LMTK2: variants seen among roughly 807,000 people sequenced by gnomAD.
The protein encoded by LMTK2 is serine/threonine-protein kinase LMTK2.
In LMTK2, 37 loss-of-function variants were observed where a neutral mutation model predicts 127.5. The ratio of observed to expected loss-of-function variants is 0.29; its 90% CI spans 0.22 to 0.38. LMTK2 has a LOEUF of 0.38. Among genes scored for constraint, LMTK2 ranks in the 10% least tolerant of loss-of-function variants. The pLI, the probability that LMTK2 is intolerant of heterozygous loss-of-function variation, is 1.00. For synonymous variants in LMTK2, 819 were observed against 810.1 expected (o/e 1.01, Z -0.19); for missense variants, 1,694 against 1,920.3 (o/e 0.88, Z 2.20).
At chr7:98,124,335 A>G (rs1191168632) in intron 1 of LMTK2, among the ~76,000 whole-genome samples, 1 of 152,196 alleles carries the variant, frequency 6.6e-6, no homozygotes, top group Non-Finnish European at 1.5e-5. Flanking sequence ...TTGCCTCTTC[A>G]GTGCTCCGTT....
Position 98,186,897 on chromosome 7 carries a change from T to A in LMTK2, c.897T>A (p.Asp299Glu), listed in dbSNP as rs569623981. 6.2e-7 allele frequency: 1 copy of A among 1,613,052 alleles called. No individual in the cohort carries two copies. The highest frequency in any genetic ancestry group is 8.5e-7 in the Non-Finnish European group (1 of 1,179,240). The part of the protein sequence containing the change: ...SRYKEDYIET[D>E]DKKVFPLRWT... ...AACAGGAGGATTATATTGAAACAGA[T>A]GATAAAAAAGTTTTCCCTCTGCGAT... Residue 299 changes from aspartate to glutamate, a missense_variant, in exon 9 of 14, where the codon GAT (aspartate) becomes GAA (glutamate). Asp to Glu is a conservative substitution (Grantham distance 45). Around this residue, in one of 8 missense-constraint regions of LMTK2, gnomAD observed 47 missense variants for 95.4 expected, o/e 0.49. Transcript: ENST00000297293.
intron 1 of LMTK2, among the ~76,000 whole-genome samples, chr7:98,108,042 A>C (rs2116307075): frequency 6.6e-6 from 1 of 151,782 alleles, no homozygotes; most frequent in Non-Finnish European, 1.5e-5. Context: ...TCTAAAAAGG[A>C]AAAAAAAATC....
Position 98,132,757 on chromosome 7 carries a change from A to G in LMTK2, c.104-4558A>G, listed in dbSNP as rs535255663. 5.9e-5 allele frequency among the ~76,000 whole-genome samples: 9 copies of G among 152,198 alleles called. No homozygotes were observed. In the South Asian group the frequency reaches 1.2e-3, roughly 21 times the overall value. On this transcript the variant is annotated intron_variant, in intron 1 of 13. Transcript: ENST00000297293. ...CTAATGGATCTAAATATTGATCATC[A>G]TTTCTTTTTATCTGTGGCCTTTAAT...
intron 5 of LMTK2, among the ~76,000 whole-genome samples, chr7:98,157,801 A>G (rs1379669865): frequency 6.6e-6 from 1 of 152,246 alleles, no homozygotes; most frequent in Non-Finnish European, 1.5e-5. Flanking sequence ...GAAATGGAGA[A>G]CAGGTTAGTG....
At chr7:98,131,316 A>G (rs1427434991) in intron 1 of LMTK2, among the ~76,000 whole-genome samples, 1 of 152,130 alleles carries the variant, frequency 6.6e-6, no homozygotes, top group Admixed American at 6.5e-5. Context: ...TAACATCCAT[A>G]TGTTGGAATT....
At position 98,191,801 on chromosome 7, in the gene LMTK2, A is replaced by G; in HGVS notation, c.1336A>G (p.Ile446Val). 1 of 1,614,110 alleles carries G rather than the reference A, an allele frequency of 6.2e-7. No homozygotes were observed. The highest frequency in any genetic ancestry group is 8.5e-7 in the Non-Finnish European group (1 of 1,180,010). The change falls in exon 11 of 14, where the codon ATT becomes GTT. Residue 446 changes from isoleucine to valine, a missense_variant. By Grantham distance (29) the Ile-to-Val change is conservative. Coordinates refer to ENST00000297293, the MANE Select transcript of LMTK2 (RefSeq NM_014916.4). Reference sequence around the variant, plus strand: ...CTCCTCCAACAATGCTGCATTCCCAATTCTCGACCACTTTGCCAGGGACCG... The same window carrying G: ...CTCCTCCAACAATGCTGCATTCCCAGTTCTCGACCACTTTGCCAGGGACCG... The part of the protein sequence containing the change: ...RDSSNNAAFP[I>V]LDHFARDRLG...
intron 1 of LMTK2, among the ~76,000 whole-genome samples, chr7:98,113,143 G>A (rs1042037886): frequency 1.2e-4 from 19 of 152,098 alleles, no homozygotes; most frequent in Admixed American, 2.6e-4. Context: ...CCCATATGTC[G>A]TGTGAGGAAC....
intron 7 of LMTK2, among the ~76,000 whole-genome samples, chr7:98,172,296 A>G (rs952139737): frequency 1.4e-5 from 2 of 146,102 alleles, no homozygotes; most frequent in African/African-American, 2.5e-5. Context: ...TTGAATGACC[A>G]TAGTTCTTTT....
intron 7 of LMTK2, among the ~76,000 whole-genome samples, chr7:98,181,312 C>T (rs1797352544): frequency 6.6e-6 from 1 of 152,234 alleles, no homozygotes; most frequent in South Asian, 2.1e-4. Context: ...GGCTCTCACC[C>T]TGCCATCCAG....
Position 98,206,708 on chromosome 7 carries a change from C to CT in LMTK2, c.*1219dup, listed in dbSNP as rs548018736. 6.6e-6 allele frequency: 1 copy of CT among 152,206 alleles called. No homozygotes were observed. Among genetic ancestry groups the CT allele is most frequent in the Non-Finnish European group, 1.5e-5 (1 of 68,104 alleles). The allele number at this position is 152,206 out of a possible 1,614,324, so 9.4% of individuals were successfully genotyped here. A position where few individuals can be genotyped will look rare whatever the true frequency, so the allele number is the denominator to read the frequency against. On this transcript the variant is annotated 3_prime_UTR_variant, in exon 14 of 14. Coordinates refer to ENST00000297293, the MANE Select transcript of LMTK2 (RefSeq NM_014916.4). ...ACACTTCAGGTGGTGGGGACTTGAG[C>CT]TTTAAAAAAACCTCCACAGCCGAAT...
chr7:98,160,173 C>A (rs1401190036), intron 6 of LMTK2, among the ~76,000 whole-genome samples: 2 of 152,146 alleles, frequency 1.3e-5, no homozygotes, highest in Non-Finnish European at 2.9e-5. Flanking sequence ...TAATTGATTT[C>A]TTTGCATCAT....
chr7:98,162,534 C>CA (rs1457875110), intron 6 of LMTK2, among the ~76,000 whole-genome samples: 1 of 152,214 alleles, frequency 6.6e-6, no homozygotes, highest in African/African-American at 2.4e-5. Context: ...GATGTGACTT[C>CA]ATGAAACACA....
chr7:98,179,862 C>A (rs1797329052), intron 7 of LMTK2, among the ~76,000 whole-genome samples: 1 of 152,104 alleles, frequency 6.6e-6, no homozygotes, highest in South Asian at 2.1e-4. Flanking sequence ...ACATTGAGGA[C>A]CAGCTGCGTG....
In LMTK2 at chr7:98,107,282, T is replaced by G. The variant is rs1796123458; in HGVS notation, c.103+2T>G. ...CGCCACTTCCGCAAACAGGTGCAGGTGAGCGGGCCCGCGGCGGGGACGGGG... is the reference window on the plus strand; with the variant it reads ...CGCCACTTCCGCAAACAGGTGCAGGGGAGCGGGCCCGCGGCGGGGACGGGG... On this transcript the variant is annotated splice_donor_variant, in intron 1 of 13. Transcript: ENST00000297293. LOFTEE classifies it high-confidence loss of function. 1.0e-5 allele frequency: 14 copies of G among 1,349,372 alleles called. No individual in the cohort carries two copies. The highest frequency in any genetic ancestry group is 1.3e-5 in the Non-Finnish European group (14 of 1,056,150). 83.6% of individuals were successfully genotyped at this position (1,349,372 alleles called of 1,614,324 possible). A position where few individuals can be genotyped will look rare whatever the true frequency, so the allele number is the denominator to read the frequency against.
chr7:98,140,142 CTTTTCTTTTCTTTTCTTTTCTTTT>C (rs1796663402), intron 2 of LMTK2, among the ~76,000 whole-genome samples: 9 of 67,214 alleles, frequency 1.3e-4, no homozygotes, highest in South Asian at 1.1e-3. Flanking sequence ...TTCTTTCTTT[CTTTTCTTTTCTTTTCTTTTCTTTT>C]CTTTTCTTTC....
intron 6 of LMTK2, among the ~76,000 whole-genome samples, chr7:98,170,505 G>T (rs1446997425): frequency 6.6e-6 from 1 of 151,268 alleles, no homozygotes; most frequent in Non-Finnish European, 1.5e-5. Context: ...TCTTTAGTTG[G>T]TCAAGGAAAA....
In LMTK2 at chr7:98,137,365, G is replaced by T. The variant is rs1796610329; in HGVS notation, c.154G>T (p.Val52Leu). The T allele has an allele frequency of 6.2e-7, 1 of 1,613,698 alleles. No homozygotes were observed. The highest frequency in any genetic ancestry group is 1.3e-5 in the African/African-American group (1 of 74,926). Residue 52 changes from valine (V) to leucine (L), a missense_variant, in exon 2 of 14, where the codon GTG becomes TTG. By Grantham distance (32) the Val-to-Leu change is conservative (BLOSUM62 1). This residue lies in a region of LMTK2 where 76 missense variants were observed against 82.0 expected (regional missense o/e 0.93). Coordinates refer to ENST00000297293, the MANE Select transcript of LMTK2 (RefSeq NM_014916.4). ...TTCCTCATCTTTTGTGATCCTGTGT[G>T]TGTGCAGTTTAATAATATTAATAGT... ...EVSSSFVILC[V>L]CSLIILIVLI...
At chr7:98,187,751 C>T (rs1162807978) in intron 9 of LMTK2, among the ~76,000 whole-genome samples, 1 of 151,910 alleles carries the variant, frequency 6.6e-6, no homozygotes, top group African/African-American at 2.4e-5. Flanking sequence ...ATTGGGATTA[C>T]CAATATGTAC....
chr7:98,191,719 A>C lies in LMTK2; in HGVS notation c.1254A>C (p.Ser418=). 13 of 1,614,230 alleles carry C rather than the reference A, an allele frequency of 8.1e-6. No individual in the cohort carries two copies. Among genetic ancestry groups the C allele is most frequent in the Non-Finnish European group, 1.1e-5 (13 of 1,180,036 alleles). The change falls in exon 11 of 14, where the codon TCA becomes TCC. Residue 418 remains serine, a synonymous_variant. Coordinates refer to ENST00000297293, the MANE Select transcript of LMTK2 (RefSeq NM_014916.4). The part of the protein sequence containing the change: ...TYLRLQSQRD[S]EVDFEQQWNA... Reference sequence around the variant, plus strand: ...TGCGGCTGCAGAGCCAGCGGGACTCAGAGGTCGACTTTGAACAGCAGTGGA... The same window carrying C: ...TGCGGCTGCAGAGCCAGCGGGACTCCGAGGTCGACTTTGAACAGCAGTGGA...
Sources: gnomAD v4.1 joint callset for allele counts (sites outside exome capture counted in the v4.1 genomes callset) on GRCh38, gnomAD v4.1.1 for gene constraint, gnomAD v4.1.1 regional missense constraint, MANE v1.5 for transcripts, NCBI Gene and HGNC (gene_info 2026-07-23, HGNC 2026-07-21) for gene names.